GRM1: variants seen among roughly 807,000 people sequenced by gnomAD.
GRM1 encodes metabotropic glutamate receptor 1.
A neutral mutation model predicts 90.9 loss-of-function variants in GRM1; 33 were observed. The ratio of observed to expected loss-of-function variants is 0.36; its 90% confidence interval spans 0.28 to 0.49. The LOEUF is 0.49. Among genes scored for constraint, GRM1 ranks in the 20% least tolerant of loss-of-function variants. GRM1 has a pLI of 0.99. For synonymous variants in GRM1, 700 were observed against 613.2 expected, an observed-to-expected ratio of 1.14 and a Z score of -2.09; for missense variants, 1,190 against 1,534.3, an observed-to-expected ratio of 0.78 and a Z score of 3.75.
chr6:146,119,944 T>G (rs935913589), intron 1 of GRM1, among the ~76,000 whole-genome samples: 12 of 152,284 alleles, frequency 7.9e-5, no homozygotes, highest in African/African-American at 1.2e-4. Context: ...GGTTCCATAT[T>G]AACTTTAAAG....
chr6:146,044,351 A>G (rs1791244251), intron 1 of GRM1, among the ~76,000 whole-genome samples: 1 of 151,998 alleles, frequency 6.6e-6, no homozygotes, highest in Admixed American at 6.6e-5. Flanking sequence ...CCCATCTTCT[A>G]ACTTCTCCTG....
At chr6:146,104,979 G>A (rs1413138685) in intron 1 of GRM1, among the ~76,000 whole-genome samples, 1 of 152,130 alleles carries the variant, frequency 6.6e-6, no homozygotes, top group African/African-American at 2.4e-5. Context: ...TAGGCATGAG[G>A]GGATCTGCTG....
intron 1 of GRM1, among the ~76,000 whole-genome samples, chr6:146,153,643 G>A (rs941934440): frequency 1.3e-5 from 2 of 152,158 alleles, no homozygotes; most frequent in East Asian, 1.9e-4. Flanking sequence ...CATGGGAAGC[G>A]GTGCAGGGAG....
intron 3 of GRM1, among the ~76,000 whole-genome samples, chr6:146,324,884 C>T (rs1784349288): frequency 6.6e-6 from 1 of 152,124 alleles, no homozygotes; most frequent in African/African-American, 2.4e-5. Flanking sequence ...TCTTGCTAGC[C>T]ACCTAGAATT....
At chr6:146,359,543 G>A (rs965104506) in intron 5 of GRM1, among the ~76,000 whole-genome samples, 6 of 152,170 alleles carry the variant, frequency 3.9e-5, no homozygotes, top group African/African-American at 1.4e-4. Flanking sequence ...ATAAAACCTG[G>A]CAGGAGAAAA....
At chr6:146,044,751 A>AGTAAATAAATATTTCAAGT (rs1791259881) in intron 1 of GRM1, among the ~76,000 whole-genome samples, 1 of 151,984 alleles carries the variant, frequency 6.6e-6, no homozygotes, top group East Asian at 2.0e-4. Flanking sequence ...TGCCATTTTA[A>AGTAAATAAATATTTCAAGT]AAGTAAAATC....
intron 1 of GRM1, among the ~76,000 whole-genome samples, chr6:146,151,012 T>A (rs1189278488): frequency 6.6e-6 from 1 of 151,698 alleles, no homozygotes; most frequent in African/African-American, 2.4e-5. Flanking sequence ...ATACTTCAAA[T>A]ATGAAGGAGA....
intron 6 of GRM1, among the ~76,000 whole-genome samples, chr6:146,397,689 A>G (rs1777016448): frequency 6.6e-6 from 1 of 152,108 alleles, no homozygotes; most frequent in Non-Finnish European, 1.5e-5. Flanking sequence ...GATTACTCAC[A>G]TGAGACTGTT....
intron 1 of GRM1, among the ~76,000 whole-genome samples, chr6:146,070,330 A>C (rs1775982750): frequency 1.3e-5 from 2 of 152,274 alleles, no homozygotes; most frequent in Non-Finnish European, 2.9e-5. Context: ...CATTTTGAGC[A>C]CTCAATACGC....
At chr6:146,317,208 T>A (rs535401813) in intron 3 of GRM1, among the ~76,000 whole-genome samples, 31 of 152,280 alleles carry the variant, frequency 2.0e-4, no homozygotes, top group African/African-American at 7.2e-4. Flanking sequence ...TTAATCTGAG[T>A]TTTCATGGGT....
intron 1 of GRM1, among the ~76,000 whole-genome samples, chr6:146,092,487 T>C (rs539730968): frequency 6.6e-6 from 1 of 152,252 alleles, no homozygotes; most frequent in East Asian, 1.9e-4. Flanking sequence ...TATTGTATTA[T>C]CTTTAGAGAT....
intron 3 of GRM1, among the ~76,000 whole-genome samples, chr6:146,306,609 T>C (rs947082810): frequency 6.6e-6 from 1 of 152,172 alleles, no homozygotes; most frequent in African/African-American, 2.4e-5. Flanking sequence ...CTCAGTCAAT[T>C]CTTGTTAGCT....
chr6:146,271,087 C>G (rs901380285), intron 2 of GRM1, among the ~76,000 whole-genome samples: 2 of 151,474 alleles, frequency 1.3e-5, no homozygotes, highest in Non-Finnish European at 2.9e-5. Flanking sequence ...TCACTGCAAC[C>G]TTCACCTCCC....
rs754485465 is a variant in GRM1 at position 146,029,470 on chromosome 6, C to A, written c.-48C>A. The stretch of plus-strand genomic sequence containing the variant: ...TGCGCGCCGGGAGCCTGCAGCGGGA[C>A]CAGCGTGGGAACGCGGCTGGCAGGC... On this transcript the variant is annotated 5_prime_UTR_variant, in exon 1 of 8. Transcript: ENST00000282753. 1.4e-6 allele frequency: 2 copies of A among 1,458,766 alleles called. No homozygotes were observed. The highest frequency in any genetic ancestry group is 3.3e-5 in the Admixed American group (2 of 59,884). The allele number at this position is 1,458,766 out of a possible 1,614,324, so 90.4% of individuals were successfully genotyped here. A position where few individuals can be genotyped will look rare whatever the true frequency, so the allele number is the denominator to read the frequency against.
At chr6:146,365,156 T>A (rs1173525154) in intron 5 of GRM1, 2 of 152,158 alleles carry the variant, frequency 1.3e-5, no homozygotes, top group East Asian at 3.8e-4. Context: ...AATGATGAGA[T>A]CTGCCTGTGC....
At chr6:146,182,367 C>A (rs981556917) in intron 2 of GRM1, among the ~76,000 whole-genome samples, 14 of 151,984 alleles carry the variant, frequency 9.2e-5, no homozygotes, top group African/African-American at 3.4e-4. Flanking sequence ...GAAACTTTTT[C>A]TTTTTTGAAT....
chr6:146,296,084 G>A (rs556299909), intron 2 of GRM1, among the ~76,000 whole-genome samples: 4 of 152,230 alleles, frequency 2.6e-5, no homozygotes, highest in South Asian at 2.1e-4. Context: ...ATAGTATTCC[G>A]TGGTGTATAC....
chr6:146,158,029 C>T (rs1209522656), intron 1 of GRM1, among the ~76,000 whole-genome samples: 1 of 152,068 alleles, frequency 6.6e-6, no homozygotes, highest in African/African-American at 2.4e-5. Flanking sequence ...AGAAAATTTA[C>T]TTACAGGGGT....
intron 7 of GRM1, among the ~76,000 whole-genome samples, chr6:146,407,184 C>A (rs929363115): frequency 6.6e-6 from 1 of 152,166 alleles, no homozygotes; most frequent in African/African-American, 2.4e-5. Flanking sequence ...GAGGACAATG[C>A]TGCTGCAGGA....
Sources: gnomAD v4.1 joint callset for allele counts (sites outside exome capture counted in the v4.1 genomes callset) on GRCh38, gnomAD v4.1.1 for gene constraint, MANE v1.5 for transcripts, NCBI Gene and HGNC (gene_info 2026-07-23, HGNC 2026-07-21) for gene names.